The following VPS18 variants were observed in gnomAD, a reference collection of about 807,000 sequenced individuals.
VPS18 encodes VPS18 core subunit of CORVET and HOPS complexes, also known as vacuolar protein sorting-associated protein 18 homolog.
VPS18 carries 25 observed loss-of-function variants against 82.0 expected under a neutral mutation model. The observed-to-expected ratio is 0.30, with a 90% CI of 0.22 to 0.43. The LOEUF (loss-of-function observed/expected upper bound fraction) is 0.43, where lower values mean the gene tolerates loss of function less well. Ranked by LOEUF, VPS18 falls within the 20% of genes least tolerant of loss-of-function variation. VPS18 has a pLI of 1.00. For synonymous variants in VPS18, 523 were observed against 543.0 expected (o/e 0.96, Z 0.51); for missense variants, 1,168 against 1,311.1 (o/e 0.89, Z 1.69).
chr15:40,895,572 T>C (rs1305968625), intron 1 of VPS18, among the ~76,000 whole-genome samples: 2 of 152,152 alleles, frequency 1.3e-5, no homozygotes, highest in Non-Finnish European at 2.9e-5. Context: ...AATGGGGCTA[T>C]ACTACTTCAG....
In VPS18 at chr15:40,899,555, G is replaced by T. The variant is rs1892302323; in HGVS notation, c.737G>T (p.Gly246Val). ...GGGGCTGAGGCCCAGGGTTTCTCAG[G>T]GCTCTTTGCAGCTTACACGGACCAC... ...AEGAEAQGFS[G>V]LFAAYTDHPP... Residue 246 changes from glycine to valine, a missense_variant, in exon 4 of 5, where the codon GGG becomes GTG. Gly to Val is a moderately radical substitution (Grantham distance 109). Coordinates refer to ENST00000220509, the MANE Select transcript of VPS18 (RefSeq NM_020857.3). The surrounding 1 kb of genome is among the most constrained non-coding windows in gnomAD (Gnocchi z 4.4). 3 of 1,608,658 alleles carry T rather than the reference G, an allele frequency of 1.9e-6. No homozygotes were observed. Among genetic ancestry groups the T allele is most frequent in the African/African-American group, 1.3e-5 (1 of 75,058 alleles).
intron 2 of VPS18, 195 bp from the exon 3 acceptor site, chr15:40,898,712 A>C (rs925099984): frequency 3.1e-6 from 2 of 649,014 alleles, no homozygotes; most frequent in Admixed American, 4.6e-5. Flanking sequence ...AGCTCAAGCA[A>C]TCTACCCACC....
Position 40,902,475 on chromosome 15 carries a change from G to C in VPS18, c.2197-141G>C, listed in dbSNP as rs1423080354. Reference sequence around the variant, plus strand: ...TACTACTCTAAGTAGCTTTTACATAGCTGTGGCAGCGGCAGGCCCCCTTGC... The same window carrying C: ...TACTACTCTAAGTAGCTTTTACATACCTGTGGCAGCGGCAGGCCCCCTTGC... On this transcript the variant is annotated intron_variant, in intron 4 of 4. Coordinates refer to ENST00000220509, the MANE Select transcript of VPS18 (RefSeq NM_020857.3). This position sits in a 1 kb window ranked among gnomAD's most constrained non-coding sequence, Gnocchi z 4.2. 1 of 1,171,336 alleles carries C rather than the reference G, an allele frequency of 8.5e-7. No individual in the cohort carries two copies. The highest frequency in any genetic ancestry group is 1.2e-6 in the Non-Finnish European group (1 of 855,100). The allele number at this position is 1,171,336 out of a possible 1,614,324, so 72.6% of individuals were successfully genotyped here.
At chr15:40,898,449 C>T (rs1176189931) in intron 2 of VPS18, among the ~76,000 whole-genome samples, 4 of 151,582 alleles carry the variant, frequency 2.6e-5, no homozygotes, top group Non-Finnish European at 5.9e-5. Flanking sequence ...ACTCCATAGG[C>T]AGAGCTGCTG....
Position 40,902,632 on chromosome 15 carries a change from C to G in VPS18, c.2213C>G (p.Ala738Gly). 1 of 1,612,138 alleles carries G rather than the reference C, an allele frequency of 6.2e-7. No individual in the cohort carries two copies. Among genetic ancestry groups the G allele is most frequent in the South Asian group, 1.1e-5 (1 of 90,968 alleles). Residue 738 changes from alanine (A) to glycine (G), a missense_variant, in exon 5 of 5, where the codon GCC becomes GGC. Physicochemically the swap from Ala to Gly is moderately conservative, Grantham distance 60. Transcript: ENST00000220509. The surrounding 1 kb of genome is among the most constrained non-coding windows in gnomAD (Gnocchi z 4.2). Reference protein sequence around the residue: ...DLALQVDVDLAKQCADLPEED... With the variant: ...DLALQVDVDLGKQCADLPEED... ...TCCCCACAGGTGGATGTGGACCTGGCCAAGCAGTGTGCAGACCTGCCTGAG... is the reference window on the plus strand; with the variant it reads ...TCCCCACAGGTGGATGTGGACCTGGGCAAGCAGTGTGCAGACCTGCCTGAG...
intron 2 of VPS18, among the ~76,000 whole-genome samples, chr15:40,897,243 C>T (rs895820082): frequency 1.3e-5 from 2 of 151,044 alleles, no homozygotes; most frequent in South Asian, 2.1e-4. Context: ...TGCAGTGAGC[C>T]GAGATCATGC....
Position 40,900,645 on chromosome 15 carries a change from G to C in VPS18, c.1827G>C (p.Gln609His). The change falls in exon 4 of 5, where the codon CAG becomes CAC. Residue 609 changes from glutamine (Q) to histidine (H), a missense_variant. This residue lies in a region of VPS18 where 868 missense variants were observed against 939.8 expected (regional missense o/e 0.92). Coordinates refer to ENST00000220509, the MANE Select transcript of VPS18 (RefSeq NM_020857.3). The surrounding 1 kb of genome is among the most constrained non-coding windows in gnomAD (Gnocchi z 5.4). Reference protein sequence around the residue: ...SPILIRHIPRQLVDAWIEMGS... With the variant: ...SPILIRHIPRHLVDAWIEMGS... ...TCCTCATCCGTCACATCCCCCGCCA[G>C]CTTGTAGATGCCTGGATTGAGATGG... 1 of 1,614,154 alleles carries C rather than the reference G, an allele frequency of 6.2e-7. No individual in the cohort carries two copies. The highest frequency in any genetic ancestry group is 1.1e-5 in the South Asian group (1 of 91,084).
Position 40,903,283 on chromosome 15 carries a change from T to C in VPS18, c.2864T>C (p.Ile955Thr). The change falls in exon 5 of 5, where the codon ATC becomes ACC. Residue 955 changes from isoleucine to threonine, a missense_variant. This residue lies in a region of VPS18 where 296 missense variants were observed against 354.0 expected (regional missense o/e 0.84). Coordinates refer to ENST00000220509, the MANE Select transcript of VPS18 (RefSeq NM_020857.3). Reference sequence around the variant, plus strand: ...TGTGGGGAGCTGATGATCCGCTCTATCGACCGGCCGTTCATCGACCCCCAG... The same window carrying C: ...TGTGGGGAGCTGATGATCCGCTCTACCGACCGGCCGTTCATCGACCCCCAG... ...VYCGELMIRS[I>T]DRPFIDPQRY... is the part of the protein sequence containing the mutation. 6.4e-7 allele frequency: 1 copy of C among 1,574,166 alleles called. No homozygotes were observed. The highest frequency in any genetic ancestry group is 8.6e-7 in the Non-Finnish European group (1 of 1,160,788).
chr15:40,897,200 C>A (rs910744339), intron 2 of VPS18, among the ~76,000 whole-genome samples: 1 of 151,508 alleles, frequency 6.6e-6, no homozygotes, highest in Non-Finnish European at 1.5e-5. Flanking sequence ...GAGGCTGAGG[C>A]AGGAGAATGG....
At position 40,900,956 on chromosome 15, in the gene VPS18, G is replaced by A; in HGVS notation, c.2138G>A (p.Cys713Tyr). The A allele has an allele frequency of 6.2e-7, 1 of 1,611,818 alleles. No individual in the cohort carries two copies. Among genetic ancestry groups the A allele is most frequent in the South Asian group, 1.1e-5 (1 of 91,080 alleles). ...GCCGAGCATGGCCACCACCGCGCTT[G>A]TGTCCATGTCTACAAGGTCCTAGAG... Reference protein sequence around the residue: ...LCAEHGHHRACVHVYKVLELY... With the variant: ...LCAEHGHHRAYVHVYKVLELY... Residue 713 changes from cysteine (C) to tyrosine (Y), a missense_variant, in exon 4 of 5, where the codon TGT becomes TAT. Cys to Tyr is a radical substitution (Grantham distance 194, BLOSUM62 -2). This residue lies in a region of VPS18 where 296 missense variants were observed against 354.0 expected (regional missense o/e 0.84). Coordinates refer to ENST00000220509, the MANE Select transcript of VPS18 (RefSeq NM_020857.3). The surrounding 1 kb of genome is among the most constrained non-coding windows in gnomAD (Gnocchi z 5.4).
At chr15:40,901,054 C>T (rs760595872) in intron 4 of VPS18, 40 bp downstream of exon 4, 1 of 1,571,496 alleles carries the variant, frequency 6.4e-7, no homozygotes, top group South Asian at 1.1e-5. Flanking sequence ...GAGAGGGACC[C>T]AAAGAGCAGT....
chr15:40,902,541 G>T lies in VPS18; in HGVS notation c.2197-75G>T. On this transcript the variant is annotated intron_variant, in intron 4 of 4. Transcript: ENST00000220509. The surrounding 1 kb of genome is among the most constrained non-coding windows in gnomAD (Gnocchi z 4.2). Reference sequence around the variant, plus strand: ...GAATCCTGCCTCGGGGCCTCTCCTCGGCCATCTCTCTCTCCCATAGTCTCC... The same window carrying T: ...GAATCCTGCCTCGGGGCCTCTCCTCTGCCATCTCTCTCTCCCATAGTCTCC... 6.6e-7 allele frequency: 1 copy of T among 1,523,814 alleles called. No individual in the cohort carries two copies. 94.4% of individuals were successfully genotyped at this position (1,523,814 alleles called of 1,614,324 possible). A position where few individuals can be genotyped will look rare whatever the true frequency, so the allele number is the denominator to read the frequency against.
intron 1 of VPS18, 70 bp from the exon 2 acceptor site, chr15:40,895,866 GTT>G: frequency 1.3e-6 from 2 of 1,598,026 alleles, no homozygotes; most frequent in Non-Finnish European, 1.7e-6. Context: ...GCACTGTGGT[GTT>G]TTTTCTGCCT....
chr15:40,901,322 G>A (rs1372983358), intron 4 of VPS18, among the ~76,000 whole-genome samples: 3 of 152,230 alleles, frequency 2.0e-5, no homozygotes, highest in African/African-American at 7.2e-5. Flanking sequence ...GCAGGGCTGG[G>A]TGTGGTGGCT....
At chr15:40,898,791 A>G (rs686038) in intron 2 of VPS18, 116 bp from the exon 3 acceptor site, 90,325 of 1,116,594 alleles carry the variant, frequency 0.081, 17,225 homozygotes, top group African/African-American at 0.63. Flanking sequence ...CATTTTATGC[A>G]TAGATGTATA....
In VPS18 at chr15:40,903,550, T is replaced by G; in HGVS notation, c.*209T>G. 1.6e-6 allele frequency: 1 copy of G among 636,858 alleles called. No homozygotes were observed. Among genetic ancestry groups the G allele is most frequent in the Non-Finnish European group, 2.4e-6 (1 of 420,358 alleles). 39.5% of individuals were successfully genotyped at this position (636,858 alleles called of 1,614,324 possible). On this transcript the variant is annotated 3_prime_UTR_variant, in exon 5 of 5. Transcript: ENST00000220509. ...ATGCTGTTCTTCAGAGCTGCAGTTATGCCAGACCATCAGCCTGCCTCCCAG... is the reference window on the plus strand; with the variant it reads ...ATGCTGTTCTTCAGAGCTGCAGTTAGGCCAGACCATCAGCCTGCCTCCCAG...
At chr15:40,898,253 CT>C (rs557809560) in intron 2 of VPS18, among the ~76,000 whole-genome samples, 12,584 of 142,658 alleles carry the variant, frequency 0.088, 827 homozygotes, top group African/African-American at 0.18. Flanking sequence ...CGCGCCCGGC[CT>C]TTTTTTTTTT....
rs750271741 is a variant in VPS18 at position 40,899,375 on chromosome 15, C to T, written c.557C>T (p.Pro186Leu). The T allele has an allele frequency of 2.9e-4, 473 of 1,610,096 alleles. No individual in the cohort carries two copies. The highest frequency in any genetic ancestry group is 3.9e-4 in the Non-Finnish European group (463 of 1,176,822). ...GAAGGTGGGCTTTTCGGCCCTGCTC[C>T]GGATCTCTACTTCCGCCCATTGTAC... ...ASEGGLFGPA[P>L]DLYFRPLYVL... Residue 186 changes from proline to leucine, a missense_variant, in exon 4 of 5, where the codon CCG (proline) becomes CTG (leucine). Pro to Leu is a moderately conservative substitution (Grantham distance 98, BLOSUM62 -3). Around this residue, in one of 3 missense-constraint regions of VPS18, gnomAD observed 868 missense variants for 939.8 expected, o/e 0.92. Coordinates refer to ENST00000220509, the MANE Select transcript of VPS18 (RefSeq NM_020857.3). The surrounding 1 kb of genome is among the most constrained non-coding windows in gnomAD (Gnocchi z 4.4).
rs1239301285 is a variant in VPS18 at position 40,900,666 on chromosome 15, G to A, written c.1848G>A (p.Glu616=). The change falls in exon 4 of 5, where the codon GAG becomes GAA. Residue 616 remains glutamate (E), a synonymous_variant. Coordinates refer to ENST00000220509, the MANE Select transcript of VPS18 (RefSeq NM_020857.3). The surrounding 1 kb of genome is among the most constrained non-coding windows in gnomAD (Gnocchi z 5.4). ...GCCAGCTTGTAGATGCCTGGATTGA[G>A]ATGGGCAGCCGGCTGGATGCTCGTC... is the stretch of plus-strand genomic sequence containing the variant. The part of the protein sequence containing the change: ...IPRQLVDAWI[E]MGSRLDARQL... 2 of 1,614,170 alleles carry A rather than the reference G, an allele frequency of 1.2e-6. No homozygotes were observed. Among genetic ancestry groups the A allele is most frequent in the African/African-American group, 1.3e-5 (1 of 75,028 alleles).
Sources: gnomAD v4.1 joint callset for allele counts (sites outside exome capture counted in the v4.1 genomes callset) on GRCh38, gnomAD v4.1.1 for gene constraint, gnomAD v4.1.1 regional missense constraint, Gnocchi (gnomAD v3.1) non-coding constraint, MANE v1.5 for transcripts, NCBI Gene and HGNC (gene_info 2026-07-23, HGNC 2026-07-21) for gene names.